The following GRXCR2 variants were observed in gnomAD, a reference collection of about 807,000 sequenced individuals.
GRXCR2 encodes the protein glutaredoxin and cysteine rich domain containing 2.
A neutral mutation model predicts 24.8 loss-of-function variants in GRXCR2; 23 were observed. That is an observed-to-expected ratio of 0.93 (90% CI 0.67 to 1.32). GRXCR2 has a LOEUF of 1.32. Among genes scored for constraint, GRXCR2 ranks in the 40% most tolerant of loss-of-function variants. GRXCR2 has a pLI of 0.00. For synonymous variants in GRXCR2, 130 were observed against 116.1 expected, an observed-to-expected ratio of 1.12 and a Z score of -0.77; for missense variants, 315 against 303.4, an observed-to-expected ratio of 1.04 and a Z score of -0.28.
chr5:145,866,596 G>C lies in GRXCR2; in HGVS notation c.469C>G (p.Leu157Val). 6.2e-7 allele frequency: 1 copy of C among 1,614,100 alleles called. No homozygotes were observed. Among genetic ancestry groups the C allele is most frequent in the East Asian group, 2.2e-5 (1 of 44,882 alleles). Residue 157 changes from leucine (L) to valine (V), a missense_variant, in exon 2 of 3, where the codon CTG (leucine) becomes GTG (valine). By Grantham distance (32) the Leu-to-Val change is conservative. Coordinates refer to ENST00000377976, the MANE Select transcript of GRXCR2 (RefSeq NM_001080516.2). ...CCATAGCTTTCTTCTTTGTTCATCA[G>C]AGACTCTTCCTCAGCCTCCTCTTCC... The part of the protein sequence containing the change: ...QKEEEAEEES[L>V]MNKEESYGGR...
At chr5:145,897,069 G>A (rs1280616604) in intron 2 of GRXCR2, among the ~76,000 whole-genome samples, 1 of 145,924 alleles carries the variant, frequency 6.9e-6, no homozygotes, top group Non-Finnish European at 1.5e-5. Context: ...TCACTCATAG[G>A]TGGGAATTGA....
In GRXCR2 at chr5:145,927,334, T is replaced by C. The variant is rs371025884; in HGVS notation, c.-70+8367A>G. ...TTTTCAAAGGGAATGCTTCCTGTTT[T>C]TGCCCATTCAGTATGATATTGGCTG... On this transcript the variant is annotated intron_variant, in intron 2 of 3. Transcript: ENST00000639411. Among the ~76,000 whole-genome samples, 104 of 152,344 alleles carry C rather than the reference T, an allele frequency of 6.8e-4. 3 individuals carry two copies. The South Asian group carries it at 0.017, about 25-fold the overall frequency.
intron 2 of GRXCR2, among the ~76,000 whole-genome samples, chr5:145,915,225 A>G (rs1003469914): frequency 6.6e-6 from 1 of 152,152 alleles, no homozygotes; most frequent in African/African-American, 2.4e-5. Context: ...GCAGGGGGCC[A>G]TGTCCTATTA....
At chr5:145,873,121 A>G (rs892355782), upstream of GRXCR2, 22 of 625,120 alleles carry the variant, frequency 3.5e-5, no homozygotes, top group South Asian at 4.4e-4. Context: ...TGACACCCAT[A>G]CATTAAATAT....
At chr5:145,930,069 T>A (rs1757458777) in intron 2 of GRXCR2, among the ~76,000 whole-genome samples, 4 of 151,966 alleles carry the variant, frequency 2.6e-5, no homozygotes, top group African/African-American at 7.2e-5. Context: ...TCTTTATTTA[T>A]TTATTTATTT....
intron 2 of GRXCR2, among the ~76,000 whole-genome samples, chr5:145,864,619 G>GCT (rs948554735): frequency 6.6e-6 from 1 of 151,434 alleles, no homozygotes; most frequent in African/African-American, 2.4e-5. Context: ...ACTTTCTCAA[G>GCT]CTCTCTCTCT....
chr5:145,923,461 C>T (rs79956300), intron 2 of GRXCR2, among the ~76,000 whole-genome samples: 7,521 of 152,210 alleles, frequency 0.049, 627 homozygotes, highest in African/African-American at 0.17. Flanking sequence ...CATGGAGCTC[C>T]CAGCTTTGGA....
intron 2 of GRXCR2, among the ~76,000 whole-genome samples, chr5:145,898,944 C>T (rs757437531): frequency 1.3e-5 from 2 of 152,008 alleles, no homozygotes; most frequent in Non-Finnish European, 1.5e-5. Flanking sequence ...TAAAAGGCAT[C>T]GAAATAGGAA....
At chr5:145,896,520 G>A (rs545451567) in intron 2 of GRXCR2, among the ~76,000 whole-genome samples, 9 of 152,060 alleles carry the variant, frequency 5.9e-5, no homozygotes, top group South Asian at 4.2e-4. Context: ...CAGCCAAAAG[G>A]CACATGAAAA....
chr5:145,927,352 A>G (rs944963905), intron 2 of GRXCR2, among the ~76,000 whole-genome samples: 3 of 152,102 alleles, frequency 2.0e-5, no homozygotes, highest in Admixed American at 6.6e-5. Flanking sequence ...TCAGTATGAT[A>G]TTGGCTGTGG....
chr5:145,890,230 C>G lies in GRXCR2; in HGVS notation c.-69-23502G>C, dbSNP rs1359825376. On this transcript the variant is annotated intron_variant, in intron 2 of 3. Coordinates refer to the GRXCR2 transcript ENST00000639411. Reference sequence around the variant, plus strand: ...TCAACCTCCTGAATACCTGGGATTACAGGCATGTGCCACCATGCCTAGCTA... The same window carrying G: ...TCAACCTCCTGAATACCTGGGATTAGAGGCATGTGCCACCATGCCTAGCTA... 7.2e-5 allele frequency among the ~76,000 whole-genome samples: 11 copies of G among 152,140 alleles called. 1 individual carries two copies. The highest frequency in any genetic ancestry group is 1.5e-5 in the Non-Finnish European group (1 of 68,032).
chr5:145,892,664 C>G (rs1185111883), intron 2 of GRXCR2, among the ~76,000 whole-genome samples: 2 of 152,148 alleles, frequency 1.3e-5, no homozygotes, highest in Non-Finnish European at 2.9e-5. Context: ...GACTGGTGTA[C>G]CTGAAAGTGA....
intron 2 of GRXCR2, among the ~76,000 whole-genome samples, chr5:145,895,819 G>T (rs2149920827): frequency 6.6e-6 from 1 of 152,222 alleles, no homozygotes; most frequent in East Asian, 1.9e-4. Context: ...AGCCTGCATT[G>T]CCAAGTCAAT....
At chr5:145,872,601 C>G (rs1410743394) in intron 1 of GRXCR2, 32 bp downstream of exon 1, 1 of 1,528,674 alleles carries the variant, frequency 6.5e-7, no homozygotes, top group Non-Finnish European at 8.8e-7. Context: ...AAGCCCTACC[C>G]TTAAAGCCTA....
chr5:145,912,086 G>A (rs1757174278), intron 2 of GRXCR2, among the ~76,000 whole-genome samples: 1 of 152,196 alleles, frequency 6.6e-6, no homozygotes, highest in South Asian at 2.1e-4. Context: ...GACAGAGTGA[G>A]ACCCTATCTC....
chr5:145,893,215 C>T (rs1200344157), intron 2 of GRXCR2, among the ~76,000 whole-genome samples: 2 of 152,176 alleles, frequency 1.3e-5, no homozygotes, highest in Admixed American at 6.5e-5. Context: ...TAGGAAGAAA[C>T]TGCATCAATT....
intron 2 of GRXCR2, among the ~76,000 whole-genome samples, chr5:145,903,724 G>T (rs12109906): frequency 6.6e-6 from 1 of 152,124 alleles, no homozygotes; most frequent in Non-Finnish European, 1.5e-5. Flanking sequence ...GGAAGAGAAC[G>T]ATGGATACAG....
At chr5:145,887,582 C>T (rs895591042) in intron 2 of GRXCR2, among the ~76,000 whole-genome samples, 1 of 152,204 alleles carries the variant, frequency 6.6e-6, no homozygotes, top group African/African-American at 2.4e-5. Flanking sequence ...AAAATTGTCC[C>T]TCACCTCAGA....
At chr5:145,901,146 GA>G (rs1433020614) in intron 2 of GRXCR2, among the ~76,000 whole-genome samples, 3 of 142,992 alleles carry the variant, frequency 2.1e-5, no homozygotes, top group Non-Finnish European at 4.6e-5. Context: ...GGGACTACTA[GA>G]GGGGGGAAGG....
Sources: gnomAD v4.1 joint callset for allele counts (sites outside exome capture counted in the v4.1 genomes callset) on GRCh38, gnomAD v4.1.1 for gene constraint, MANE v1.5 for transcripts, NCBI Gene and HGNC (gene_info 2026-07-23, HGNC 2026-07-21) for gene names.